ITGB1BP1: variants seen among roughly 807,000 people sequenced by gnomAD.
ITGB1BP1 encodes the protein integrin subunit beta 1 binding protein 1.
A neutral mutation model predicts 28.0 loss-of-function variants in ITGB1BP1; 20 were observed. The observed-to-expected ratio is 0.71, with a 90% CI of 0.50 to 1.04. The LOEUF (loss-of-function observed/expected upper bound fraction) is 1.04. Ranked by LOEUF, ITGB1BP1 falls within the 50% of genes least tolerant of loss-of-function variation. The pLI is 0.00. For synonymous variants in ITGB1BP1, 103 were observed against 89.5 expected (o/e 1.15, Z -0.85); for missense variants, 228 against 242.5 (o/e 0.94, Z 0.40).
intron 4 of ITGB1BP1, among the ~76,000 whole-genome samples, chr2:9,410,853 C>T (rs992261984): frequency 2.6e-5 from 4 of 152,208 alleles, no homozygotes; most frequent in Non-Finnish European, 5.9e-5. Flanking sequence ...GCTGGGATTA[C>T]AGACGTGAGC....
chr2:9,410,749 G>GT (rs1380836699), intron 4 of ITGB1BP1, among the ~76,000 whole-genome samples: 11 of 151,776 alleles, frequency 7.2e-5, no homozygotes, highest in South Asian at 4.2e-4. Context: ...AATTAAAATT[G>GT]TTTTTTTTGT....
chr2:9,417,260 C>T (rs1280835550), intron 2 of ITGB1BP1, among the ~76,000 whole-genome samples: 9 of 152,186 alleles, frequency 5.9e-5, no homozygotes, highest in African/African-American at 2.2e-4. Flanking sequence ...AACACACAGG[C>T]TCACTCCTCC....
chr2:9,408,328 A>G, intron 4 of ITGB1BP1, 123 bp from the exon 5 acceptor site: 1 of 639,000 alleles, frequency 1.6e-6, no homozygotes, highest in Non-Finnish European at 2.8e-6. Flanking sequence ...TGGGGTACAC[A>G]TTAGCCAGGC....
At position 9,423,413 on chromosome 2, in the gene ITGB1BP1, G is replaced by T. The variant is rs1680157415; in HGVS notation, c.-76C>A. Reference sequence around the variant, plus strand: ...CCATCCCCGGGTTGCGGACTTCGGGGTCCGCGTGGGAGTGCCGCGGCCTTT... The same window carrying T: ...CCATCCCCGGGTTGCGGACTTCGGGTTCCGCGTGGGAGTGCCGCGGCCTTT... On this transcript the variant is annotated 5_prime_UTR_variant, in exon 1 of 7. Coordinates refer to ENST00000355346, the MANE Select transcript of ITGB1BP1 (RefSeq NM_004763.5). The T allele has an allele frequency of 8.7e-7, 1 of 1,144,162 alleles. No individual in the cohort carries two copies. Among genetic ancestry groups the T allele is most frequent in the Non-Finnish European group, 1.1e-6 (1 of 922,346 alleles). The allele number at this position is 1,144,162 out of a possible 1,614,324, so 70.9% of individuals were successfully genotyped here.
chr2:9,419,929 A>T (rs755924193), intron 1 of ITGB1BP1: 1 of 370,640 alleles, frequency 2.7e-6, no homozygotes, highest in Non-Finnish European at 3.7e-6. Context: ...TGAATAAGAT[A>T]ACCTGATCAA....
intron 1 of ITGB1BP1, 147 bp from the exon 2 acceptor site, chr2:9,418,879 C>T (rs1263189521): frequency 1.6e-6 from 1 of 627,768 alleles, no homozygotes; most frequent in Non-Finnish European, 2.8e-6. Context: ...CCTCAGCCTC[C>T]CCGAGTAGCT....
At position 9,406,847 on chromosome 2, in the gene ITGB1BP1, G is replaced by A. The variant is rs201269168; in HGVS notation, c.590C>T (p.Ser197Phe). 1 of 1,611,928 alleles carries A rather than the reference G, an allele frequency of 6.2e-7. No individual in the cohort carries two copies. The highest frequency in any genetic ancestry group is 2.2e-5 in the East Asian group (1 of 44,884). Reference sequence around the variant, plus strand: ...TGATTGCAGGATTCAGGGTTTCTCAGATGTTAATACAGAGTCAAAAGCGGT... The same window carrying A: ...TGATTGCAGGATTCAGGGTTTCTCAAATGTTAATACAGAGTCAAAAGCGGT... ...LSTAFDSVLT[S>F]EKP The change falls in exon 7 of 7, where the codon TCT becomes TTT. Residue 197 changes from serine to phenylalanine, a missense_variant. Transcript: ENST00000355346.
intron 3 of ITGB1BP1, among the ~76,000 whole-genome samples, chr2:9,413,808 A>G (rs533944999): frequency 1.3e-5 from 2 of 152,278 alleles, no homozygotes; most frequent in African/African-American, 2.4e-5. Context: ...CCTATTCCCC[A>G]TAGACAACAT....
At chr2:9,408,244 T>G (rs761227141) in intron 4 of ITGB1BP1, 39 bp from the exon 5 acceptor site, 2 of 1,241,828 alleles carry the variant, frequency 1.6e-6, no homozygotes, top group East Asian at 4.6e-5. Flanking sequence ...AAGATTAAAA[T>G]TACATAATAG....
intron 1 of ITGB1BP1, chr2:9,419,845 G>C (rs1679583875): frequency 6.5e-6 from 1 of 154,228 alleles, no homozygotes; most frequent in African/African-American, 2.4e-5. Context: ...CTCCCTCAAG[G>C]GGCTCACAGA....
rs754501365 is a variant in ITGB1BP1 at position 9,407,377 on chromosome 2, C to T, written c.531+72G>A. 4.6e-6 allele frequency: 7 copies of T among 1,516,662 alleles called. No individual in the cohort carries two copies. The South Asian group carries it at 6.9e-5, about 15-fold the overall frequency. The allele number at this position is 1,516,662 out of a possible 1,614,324, so 94.0% of individuals were successfully genotyped here. A position where few individuals can be genotyped will look rare whatever the true frequency, so the allele number is the denominator to read the frequency against. ...TATATAATGGATTGTATTTCTTCAG[C>T]CTTCAAAAACAGTAGTCCCTGGGTG... On this transcript the variant is annotated intron_variant, in intron 6 of 6. Transcript: ENST00000355346.
At position 9,404,572 on chromosome 2, in the gene ITGB1BP1, CTG is replaced by C. The variant is rs1304922322; in HGVS notation, c.*2260_*2261del. ...TAGGAATATTGGAAATTTTGGCACT[CTG>C]AGAATAAATAGGCATATGATACCCA... On this transcript the variant is annotated 3_prime_UTR_variant, in exon 7 of 7. Coordinates refer to ENST00000355346, the MANE Select transcript of ITGB1BP1 (RefSeq NM_004763.5). 8 of 152,528 alleles carry C rather than the reference CTG, an allele frequency of 5.2e-5. No homozygotes were observed. In the East Asian group the frequency reaches 1.5e-3, roughly 29 times the overall value. The allele number at this position is 152,528 out of a possible 1,614,324, so 9.4% of individuals were successfully genotyped here. A position where few individuals can be genotyped will look rare whatever the true frequency, so the allele number is the denominator to read the frequency against.
rs1015756527 is a variant in ITGB1BP1 at position 9,403,742 on chromosome 2, C to T, written c.*3092G>A. ...TTAGGCGGCCAGTGAACTGCTGCTT[C>T]AGAAGTCCATAGCCCAGCTCTGAAC... On this transcript the variant is annotated 3_prime_UTR_variant, in exon 7 of 7. Transcript: ENST00000355346. 5 of 168,498 alleles carry T rather than the reference C, an allele frequency of 3.0e-5. No homozygotes were observed. The highest frequency in any genetic ancestry group is 9.6e-5 in the African/African-American group (4 of 41,786). 10.4% of individuals were successfully genotyped at this position (168,498 alleles called of 1,614,324 possible).
intron 4 of ITGB1BP1, among the ~76,000 whole-genome samples, chr2:9,410,858 G>C (rs1478997257): frequency 6.6e-6 from 1 of 152,100 alleles, no homozygotes; most frequent in Non-Finnish European, 1.5e-5. Context: ...GATTACAGAC[G>C]TGAGCCACCA....
chr2:9,410,404 TA>T (rs1382517802), intron 4 of ITGB1BP1, among the ~76,000 whole-genome samples: 1 of 152,072 alleles, frequency 6.6e-6, no homozygotes, highest in Non-Finnish European at 1.5e-5. Context: ...GCTGATTTTT[TA>T]AAATGTTTTG....
chr2:9,410,422 T>C (rs2148878512), intron 4 of ITGB1BP1, among the ~76,000 whole-genome samples: 1 of 152,118 alleles, frequency 6.6e-6, no homozygotes, highest in Non-Finnish European at 1.5e-5. Context: ...TTTGTAGAGA[T>C]GGGGGTCTTG....
At chr2:9,410,597 A>G (rs1678237386) in intron 4 of ITGB1BP1, among the ~76,000 whole-genome samples, 1 of 152,032 alleles carries the variant, frequency 6.6e-6, no homozygotes, top group Non-Finnish European at 1.5e-5. Flanking sequence ...GCACCACCAC[A>G]CCCAGCTAAT....
At chr2:9,408,391 G>T in intron 4 of ITGB1BP1, 186 bp from the exon 5 acceptor site, 1 of 562,000 alleles carries the variant, frequency 1.8e-6, no homozygotes, top group East Asian at 3.0e-5. Context: ...TTACAAAAAG[G>T]TTATTTTTAT....
intron 4 of ITGB1BP1, among the ~76,000 whole-genome samples, chr2:9,409,341 G>A (rs963372739): frequency 6.6e-6 from 1 of 152,188 alleles, no homozygotes; most frequent in Admixed American, 6.5e-5. Context: ...TACAGTACCC[G>A]CTTGCCAATC....
Sources: gnomAD v4.1 joint callset for allele counts (sites outside exome capture counted in the v4.1 genomes callset) on GRCh38, gnomAD v4.1.1 for gene constraint, MANE v1.5 for transcripts, NCBI Gene and HGNC (gene_info 2026-07-23, HGNC 2026-07-21) for gene names.